RIT2: variants seen among roughly 807,000 people sequenced by gnomAD.
The protein encoded by RIT2 is GTP-binding protein Rit2.
In RIT2, 24 loss-of-function variants were observed where a neutral mutation model predicts 23.7. The observed-to-expected ratio is 1.01, with a 90% confidence interval of 0.73 to 1.43. RIT2 has a LOEUF of 1.43. RIT2 is among the 40% of genes most tolerant of loss of function. RIT2 has a pLI of 0.00. For synonymous variants in RIT2, 107 were observed against 91.1 expected, an observed-to-expected ratio of 1.17 and a Z score of -0.99; for missense variants, 236 against 266.9, an observed-to-expected ratio of 0.88 and a Z score of 0.81.
chr18:42,895,155 C>G (rs1290834534), intron 4 of RIT2, among the ~76,000 whole-genome samples: 2 of 152,038 alleles, frequency 1.3e-5, no homozygotes, highest in African/African-American at 4.8e-5. Flanking sequence ...AAACTCCTTT[C>G]AAAACATTTT....
chr18:43,051,185 T>C (rs1481501019), intron 1 of RIT2, among the ~76,000 whole-genome samples: 2 of 152,012 alleles, frequency 1.3e-5, no homozygotes, highest in Admixed American at 6.6e-5. Flanking sequence ...CTACTTGGTG[T>C]GTCAGAAAAA....
At chr18:42,780,918 C>T (rs184555757) in intron 4 of RIT2, among the ~76,000 whole-genome samples, 2 of 151,264 alleles carry the variant, frequency 1.3e-5, no homozygotes, top group Admixed American at 1.3e-4. Context: ...TCAATTTTCA[C>T]AATGTTAGAT....
intron 2 of RIT2, among the ~76,000 whole-genome samples, chr18:43,009,390 A>T (rs760731134): frequency 6.6e-6 from 1 of 151,780 alleles, no homozygotes; most frequent in Non-Finnish European, 1.5e-5. Context: ...TGTGGACAAA[A>T]GATTTTCTTC....
At chr18:43,085,959 C>T (rs1212872697) in intron 1 of RIT2, among the ~76,000 whole-genome samples, 6 of 152,096 alleles carry the variant, frequency 3.9e-5, no homozygotes. Flanking sequence ...TGCCTTCTAC[C>T]ATGATTAAGA....
intron 2 of RIT2, among the ~76,000 whole-genome samples, chr18:43,010,791 T>A (rs1911332580): frequency 6.6e-6 from 1 of 151,752 alleles, no homozygotes; most frequent in African/African-American, 2.4e-5. Flanking sequence ...AAGAAAAAAG[T>A]TGTAAACAGG....
chr18:42,878,973 C>A (rs981938379), intron 4 of RIT2, among the ~76,000 whole-genome samples: 1 of 151,990 alleles, frequency 6.6e-6, no homozygotes, highest in Non-Finnish European at 1.5e-5. Context: ...CTAGGGTTTA[C>A]AACTATTTTG....
At chr18:42,861,690 C>A (rs1228088282) in intron 4 of RIT2, among the ~76,000 whole-genome samples, 1 of 152,114 alleles carries the variant, frequency 6.6e-6, no homozygotes, top group Non-Finnish European at 1.5e-5. Flanking sequence ...GTTGGGGTCA[C>A]CCATTTTGTT....
chr18:42,936,943 C>A (rs1909474914), intron 3 of RIT2, among the ~76,000 whole-genome samples: 1 of 151,018 alleles, frequency 6.6e-6, no homozygotes, highest in Non-Finnish European at 1.5e-5. Context: ...ACCTGGGAGG[C>A]AGAGCTTGCA....
chr18:42,802,429 C>T (rs1905565131), intron 4 of RIT2, among the ~76,000 whole-genome samples: 1 of 152,122 alleles, frequency 6.6e-6, no homozygotes, highest in African/African-American at 2.4e-5. Flanking sequence ...GATAAGATAA[C>T]ATCTGTAGTC....
chr18:42,942,598 C>T (rs1015595153), intron 3 of RIT2, among the ~76,000 whole-genome samples: 13 of 152,016 alleles, frequency 8.6e-5, no homozygotes, highest in African/African-American at 1.4e-4. Context: ...TGTCCACGTG[C>T]GCTTTCTCCA....
chr18:42,857,329 TA>T (rs1458304444), intron 4 of RIT2, among the ~76,000 whole-genome samples: 18 of 152,236 alleles, frequency 1.2e-4, no homozygotes, highest in Non-Finnish European at 2.4e-4. Context: ...AATCTTCATC[TA>T]ACTCTTTTTT....
rs529011657 is a variant in RIT2, at chr18:43,075,048, T to TTAAAA, written c.103+40364_103+40368dup. 3.6e-3 allele frequency among the ~76,000 whole-genome samples: 545 copies of TTAAAA among 152,238 alleles called. 4 individuals carry two copies. The highest frequency in any genetic ancestry group is 0.011 in the African/African-American group (458 of 41,528). On this transcript the variant is annotated intron_variant, in intron 1 of 4. Transcript: ENST00000326695. ...ACATCCTGCACATGTACCCTGGAAC[T>TTAAAA]TAAAATAAAATAAAATAAAATAAAA...
intron 4 of RIT2, among the ~76,000 whole-genome samples, chr18:42,824,539 A>C (rs992228135): frequency 6.6e-6 from 1 of 152,058 alleles, no homozygotes; most frequent in Admixed American, 6.6e-5. Flanking sequence ...GCATAAAATT[A>C]TATGGTAATC....
rs182583418 is a variant in RIT2, at chr18:42,884,548, C to T, written c.426+39024G>A. Among the ~76,000 whole-genome samples the T allele has an allele frequency of 1.0e-3, 159 of 152,310 alleles. No homozygotes were observed. In the South Asian group the frequency reaches 0.014, roughly 13 times the overall value. ...TTCCAGAGATGCCAGATAATTCAAT[C>T]ACCCTCAGTATTCATTCCCCAGTAC... On this transcript the variant is annotated intron_variant, in intron 4 of 4. Coordinates refer to ENST00000326695, the MANE Select transcript of RIT2 (RefSeq NM_002930.4).
intron 1 of RIT2, among the ~76,000 whole-genome samples, chr18:43,073,083 T>C (rs1419531507): frequency 2.6e-5 from 4 of 152,136 alleles, no homozygotes; most frequent in African/African-American, 9.7e-5. Context: ...AACAATAACT[T>C]AATAACGAGG....
intron 3 of RIT2, among the ~76,000 whole-genome samples, chr18:42,966,218 G>A (rs115434858): frequency 0.017 from 2,526 of 152,246 alleles, 69 homozygotes; most frequent in African/African-American, 0.057. Flanking sequence ...TGTTGGCACA[G>A]TGGCCCAGCA....
intron 1 of RIT2, among the ~76,000 whole-genome samples, chr18:43,101,328 T>C (rs8096948): frequency 0.22 from 33,894 of 152,044 alleles, 3,990 homozygotes; most frequent in African/African-American, 0.25. Context: ...TTATGCCCTA[T>C]CTCTTCGTTA....
At chr18:43,015,329 C>A (rs980436168) in intron 2 of RIT2, among the ~76,000 whole-genome samples, 2 of 151,536 alleles carry the variant, frequency 1.3e-5, no homozygotes, top group African/African-American at 4.8e-5. Flanking sequence ...AGATGGATAG[C>A]AATGTCATTC....
intron 2 of RIT2, among the ~76,000 whole-genome samples, chr18:43,001,095 C>G (rs932267521): frequency 6.6e-6 from 1 of 151,928 alleles, no homozygotes; most frequent in Non-Finnish European, 1.5e-5. Flanking sequence ...TTCATTCATT[C>G]AATGAACTAT....
Sources: gnomAD v4.1 joint callset for allele counts (sites outside exome capture counted in the v4.1 genomes callset) on GRCh38, gnomAD v4.1.1 for gene constraint, MANE v1.5 for transcripts, NCBI Gene and HGNC (gene_info 2026-07-23, HGNC 2026-07-21) for gene names.